Variants in TLE1 observed in about 807,000 individuals in gnomAD.
TLE1 encodes transducin-like enhancer protein 1.
A neutral mutation model predicts 89.8 loss-of-function variants in TLE1; 21 were observed. That is an observed-to-expected ratio of 0.23 (90% confidence interval 0.17 to 0.34). TLE1 has a LOEUF of 0.34. TLE1 is among the 10% of genes least tolerant of loss of function. The pLI is 1.00. For missense variants in TLE1, 795 were observed against 1,031.2 expected, an observed-to-expected ratio of 0.77 and a Z score of 3.14; for synonymous variants, 447 against 407.6, an observed-to-expected ratio of 1.10 and a Z score of -1.16.
chr9:81,639,964 G>C (rs1827904767), intron 6 of TLE1, among the ~76,000 whole-genome samples: 1 of 152,066 alleles, frequency 6.6e-6, no homozygotes. Flanking sequence ...CTAGACCACT[G>C]GTTCTCAAGC....
intron 14 of TLE1, chr9:81,600,118 TA>T (rs1269038557): frequency 2.7e-6 from 2 of 743,732 alleles, no homozygotes; most frequent in Admixed American, 3.7e-5. Context: ...ACAAGGCTCC[TA>T]AACAGGACAA....
intron 15 of TLE1, among the ~76,000 whole-genome samples, chr9:81,592,026 A>G (rs1417009481): frequency 6.6e-6 from 1 of 152,180 alleles, no homozygotes; most frequent in Admixed American, 6.5e-5. Context: ...GCTTAAGGCC[A>G]GTGGTATGTG....
In TLE1 at chr9:81,593,177, G is replaced by T; in HGVS notation, c.1429C>A (p.Gln477Lys). The T allele has an allele frequency of 6.2e-7, 1 of 1,613,954 alleles. No homozygotes were observed. The highest frequency in any genetic ancestry group is 8.5e-7 in the Non-Finnish European group (1 of 1,179,994). ...TCCCCGTGGTTGAGGGTGTTGATCT[G>T]GCGAGCATGCCGGGGGATTCCGGGT... ...IGPGIPRHARQINTLNHGEVV... is the reference protein window; with the variant it reads ...IGPGIPRHARKINTLNHGEVV... The change falls in exon 15 of 20, where the codon CAG (glutamine) becomes AAG (lysine). Residue 477 changes from glutamine (Q) to lysine (K), a missense_variant. Around this residue, in one of 4 missense-constraint regions of TLE1, gnomAD observed 468 missense variants for 509.1 expected, o/e 0.92. Transcript: ENST00000376499.
chr9:81,660,978 C>CACACACA (rs140689682), intron 4 of TLE1, among the ~76,000 whole-genome samples: 8,317 of 121,678 alleles, frequency 0.068, 509 homozygotes, highest in Non-Finnish European at 0.08. Context: ...CACACACACA[C>CACACACA]ATTTAGCCTG....
At chr9:81,585,240 T>C (rs767692012) in intron 18 of TLE1, among the ~76,000 whole-genome samples, 17 of 152,194 alleles carry the variant, frequency 1.1e-4, no homozygotes, top group African/African-American at 3.4e-4. Flanking sequence ...TAGAAACTCA[T>C]TGTCGTCTCC....
intron 4 of TLE1, among the ~76,000 whole-genome samples, chr9:81,678,771 T>C (rs967687002): frequency 2.0e-5 from 3 of 150,686 alleles, no homozygotes; most frequent in African/African-American, 7.4e-5. Context: ...CTCAGGGAGG[T>C]AGAGGTTGCA....
intron 8 of TLE1, 27 bp downstream of exon 8, chr9:81,633,321 G>A (rs753781487): frequency 2.5e-6 from 4 of 1,579,932 alleles, no homozygotes; most frequent in South Asian, 2.2e-5. Context: ...GTGTGTGTGT[G>A]TGTGCAGCAG....
chr9:81,641,380 A>G (rs4877667), intron 6 of TLE1, among the ~76,000 whole-genome samples: 137,078 of 152,062 alleles, frequency 0.9, 61,808 homozygotes, highest in South Asian at 0.92. Context: ...GATCAACAGG[A>G]AGAAACTGCT....
In TLE1 at chr9:81,666,776, AAAATAAATAAATAAAT is replaced by A. The variant is rs58357123; in HGVS notation, c.235-12756_235-12741del. 2.1e-3 allele frequency among the ~76,000 whole-genome samples: 302 copies of A among 141,874 alleles called. 1 individual carries two copies. The highest frequency in any genetic ancestry group is 2.8e-3 in the Non-Finnish European group (182 of 65,832). The allele number at this position is 141,874 out of a possible 152,430, so 93.1% of individuals were successfully genotyped here. On this transcript the variant is annotated intron_variant, in intron 4 of 19. Coordinates refer to ENST00000376499, the MANE Select transcript of TLE1 (RefSeq NM_005077.5). The stretch of plus-strand genomic sequence containing the variant: ...GGTGACAGAGCAAGACTCGTCTCAC[AAAATAAATAAATAAAT>A]AAATAAATAAATAAATAAAATAAAA...
Position 81,671,369 on chromosome 9 carries a change from G to A in TLE1, c.234+14307C>T, listed in dbSNP as rs369191615. Reference sequence around the variant, plus strand: ...TCTCTATTTAAGAAAAATGAAGGCCGGGCATGGTGGCTCATACCTGTAATC... The same window carrying A: ...TCTCTATTTAAGAAAAATGAAGGCCAGGCATGGTGGCTCATACCTGTAATC... On this transcript the variant is annotated intron_variant, in intron 4 of 19. Coordinates refer to ENST00000376499, the MANE Select transcript of TLE1 (RefSeq NM_005077.5). 7.2e-5 allele frequency among the ~76,000 whole-genome samples: 11 copies of A among 151,928 alleles called. No homozygotes were observed. In the East Asian group the frequency reaches 2.0e-3, roughly 27 times the overall value.
At chr9:81,607,684 CCA>C (rs1587940052) in intron 14 of TLE1, among the ~76,000 whole-genome samples, 2 of 152,268 alleles carry the variant, frequency 1.3e-5, no homozygotes, top group East Asian at 3.9e-4. Flanking sequence ...CTGCTGGCAA[CCA>C]CAGATAGGAA....
intron 8 of TLE1, among the ~76,000 whole-genome samples, chr9:81,632,111 T>C (rs1826705218): frequency 7.1e-6 from 1 of 141,432 alleles, no homozygotes; most frequent in Non-Finnish European, 1.5e-5. Flanking sequence ...AGACTATCTA[T>C]AGGAACCCTG....
At chr9:81,646,819 C>T (rs922540133) in intron 6 of TLE1, among the ~76,000 whole-genome samples, 15 of 152,118 alleles carry the variant, frequency 9.9e-5, no homozygotes, top group Admixed American at 9.8e-4. Flanking sequence ...TCACAAAATA[C>T]CCTAGACTTA....
At chr9:81,650,500 A>T (rs945224782) in intron 6 of TLE1, among the ~76,000 whole-genome samples, 1 of 152,212 alleles carries the variant, frequency 6.6e-6, no homozygotes. Flanking sequence ...TCTGTGCTTG[A>T]GCTACAAGTA....
intron 14 of TLE1, among the ~76,000 whole-genome samples, chr9:81,607,957 TTATAA>T (rs1360136757): frequency 1.3e-5 from 2 of 152,206 alleles, no homozygotes; most frequent in Admixed American, 1.3e-4. Flanking sequence ...GAAACAGATA[TTATAA>T]TATATGAAAA....
At chr9:81,645,227 C>T (rs1192980496) in intron 6 of TLE1, among the ~76,000 whole-genome samples, 4 of 150,680 alleles carry the variant, frequency 2.7e-5, no homozygotes, top group Non-Finnish European at 4.4e-5. Flanking sequence ...GGCATGGTGG[C>T]GCATGTCTGT....
chr9:81,612,784 A>C (rs1823880719), intron 12 of TLE1, among the ~76,000 whole-genome samples: 1 of 152,226 alleles, frequency 6.6e-6, no homozygotes, highest in South Asian at 2.1e-4. Context: ...AAGGCTGGGC[A>C]AGGTAGCTCA....
intron 11 of TLE1, 84 bp downstream of exon 11, chr9:81,615,898 C>T: frequency 6.5e-7 from 1 of 1,541,128 alleles, no homozygotes. Flanking sequence ...AGCAAAACCC[C>T]CACATTTCCA....
At chr9:81,686,125 A>G (rs1262652805) in intron 2 of TLE1, among the ~76,000 whole-genome samples, 1 of 152,224 alleles carries the variant, frequency 6.6e-6, no homozygotes, top group Non-Finnish European at 1.5e-5. Flanking sequence ...ATCTGGTTAG[A>G]TGACAAGAAT....
Sources: gnomAD v4.1 joint callset for allele counts (sites outside exome capture counted in the v4.1 genomes callset) on GRCh38, gnomAD v4.1.1 for gene constraint, gnomAD v4.1.1 regional missense constraint, MANE v1.5 for transcripts, NCBI Gene and HGNC (gene_info 2026-07-23, HGNC 2026-07-21) for gene names.